ERP44: variants seen among roughly 807,000 people sequenced by gnomAD.
The protein encoded by ERP44 is endoplasmic reticulum resident protein 44.
A neutral mutation model predicts 53.4 loss-of-function variants in ERP44; 25 were observed. The ratio of observed to expected loss-of-function variants is 0.47; its 90% confidence interval spans 0.34 to 0.65. The LOEUF is 0.65. Among genes scored for constraint, ERP44 ranks in the 30% least tolerant of loss-of-function variants. The probability of loss-of-function intolerance (pLI) is 0.01; values close to 1 mark genes in which losing one functional copy is unlikely to be tolerated. For synonymous variants in ERP44, 145 were observed against 161.2 expected (o/e 0.90, Z 0.76); for missense variants, 338 against 493.2 (o/e 0.69, Z 2.98).
chr9:100,033,648 A>G (rs1825818420), intron 4 of ERP44, among the ~76,000 whole-genome samples: 1 of 152,218 alleles, frequency 6.6e-6, no homozygotes, highest in South Asian at 2.1e-4. Context: ...AAAAATGAGG[A>G]CTGGAGAGAG....
intron 1 of ERP44, among the ~76,000 whole-genome samples, chr9:100,067,007 T>C (rs1297961192): frequency 4.6e-5 from 7 of 152,342 alleles, no homozygotes; most frequent in African/African-American, 1.7e-4. Context: ...AATTGTTCAG[T>C]AGTACAACCT....
At chr9:99,997,132 T>C (rs1307671921) in intron 10 of ERP44, among the ~76,000 whole-genome samples, 1 of 152,146 alleles carries the variant, frequency 6.6e-6, no homozygotes, top group South Asian at 2.1e-4. Context: ...CTTTTTCATA[T>C]AATGACTTCC....
intron 4 of ERP44, among the ~76,000 whole-genome samples, chr9:100,046,515 A>C (rs1825971881): frequency 6.6e-6 from 1 of 152,196 alleles, no homozygotes; most frequent in African/African-American, 2.4e-5. Flanking sequence ...AGTATCATTT[A>C]CAATAGCATC....
intron 6 of ERP44, among the ~76,000 whole-genome samples, chr9:100,020,248 T>C (rs544783458): frequency 3.3e-5 from 5 of 152,304 alleles, no homozygotes; most frequent in African/African-American, 4.8e-5. Flanking sequence ...ATGAAGACGA[T>C]AAAACTCATG....
intron 10 of ERP44, among the ~76,000 whole-genome samples, chr9:100,006,038 A>G (rs1326631061): frequency 6.6e-6 from 1 of 152,222 alleles, no homozygotes; most frequent in African/African-American, 2.4e-5. Flanking sequence ...GCTATATGCC[A>G]TTAGAAACGC....
chr9:100,081,939 CACAA>C (rs1207673823), intron 1 of ERP44, among the ~76,000 whole-genome samples: 6 of 151,828 alleles, frequency 4.0e-5, no homozygotes, highest in South Asian at 2.1e-4. Flanking sequence ...AAAATAACAC[CACAA>C]ACAGTTAGAG....
rs571592793 is a variant in ERP44, at chr9:100,039,010, C to T, written c.286+13407G>A. The stretch of plus-strand genomic sequence containing the variant: ...GCATGTAATACAATGTAAATATATA[C>T]GCACCCAACACTGGAACATCCAGAT... On this transcript the variant is annotated intron_variant, in intron 4 of 11. Coordinates refer to ENST00000262455, the MANE Select transcript of ERP44 (RefSeq NM_015051.3). Among the ~76,000 whole-genome samples, 12 of 152,134 alleles carry T rather than the reference C, an allele frequency of 7.9e-5. No individual in the cohort carries two copies. The South Asian group carries it at 8.3e-4, about 11-fold the overall frequency.
rs926600743 is a variant in ERP44 at position 100,022,224 on chromosome 9, C to T, written c.289G>A (p.Asp97Asn). Residue 97 changes from aspartate to asparagine, a missense_variant and splice_region_variant, in exon 5 of 12, where the codon GAC (aspartate) becomes AAC (asparagine). By Grantham distance (23) the Asp-to-Asn change is conservative. Around this residue, in one of 3 missense-constraint regions of ERP44, gnomAD observed 224 missense variants for 301.4 expected, o/e 0.74. Coordinates refer to ENST00000262455, the MANE Select transcript of ERP44 (RefSeq NM_015051.3). Reference sequence around the variant, plus strand: ...CTTATCCTGTATCTCTGGGCTATGTCAGCTAAAAGAATGAAAAAAAATTAT... The same window carrying T: ...CTTATCCTGTATCTCTGGGCTATGTTAGCTAAAAGAATGAAAAAAAATTAT... ...FARVDCDQHSDIAQRYRISKY... is the reference protein window; with the variant it reads ...FARVDCDQHSNIAQRYRISKY... 16 of 1,603,246 alleles carry T rather than the reference C, an allele frequency of 1.0e-5. No homozygotes were observed. The Admixed American group carries it at 1.2e-4, about 12-fold the overall frequency.
chr9:100,085,814 G>A (rs1185652114), intron 1 of ERP44, among the ~76,000 whole-genome samples: 1 of 152,228 alleles, frequency 6.6e-6, no homozygotes, highest in Admixed American at 6.5e-5. Flanking sequence ...TAGGAGAACT[G>A]CTTGAACCTG....
intron 10 of ERP44, among the ~76,000 whole-genome samples, chr9:99,990,692 A>C (rs1830243785): frequency 6.6e-6 from 1 of 152,258 alleles, no homozygotes; most frequent in African/African-American, 2.4e-5. Flanking sequence ...AATGGGCTAA[A>C]TGCCCCAATT....
chr9:99,985,162 A>G (rs1830183097), intron 10 of ERP44, 93 bp from the exon 11 acceptor site: 1 of 759,712 alleles, frequency 1.3e-6, no homozygotes, highest in Non-Finnish European at 2.2e-6. Context: ...TTGCTAACCT[A>G]TAGTCCCACC....
chr9:100,076,719 G>T (rs1246427519), intron 1 of ERP44, among the ~76,000 whole-genome samples: 3 of 152,180 alleles, frequency 2.0e-5, no homozygotes, highest in Admixed American at 1.3e-4. Flanking sequence ...GAACTTCTTT[G>T]AGTGGTCAAA....
At chr9:100,077,947 T>TCCACCAGGAAAAAAAACACAA (rs749086460) in intron 1 of ERP44, among the ~76,000 whole-genome samples, 1 of 151,770 alleles carries the variant, frequency 6.6e-6, no homozygotes, top group Non-Finnish European at 1.5e-5. Context: ...TTTGGGTCAC[T>TCCACCAGGAAAAAAAACACAA]CCACCAGGAA....
intron 1 of ERP44, among the ~76,000 whole-genome samples, chr9:100,085,377 A>G (rs909832246): frequency 5.9e-5 from 9 of 152,230 alleles, no homozygotes; most frequent in Non-Finnish European, 1.2e-4. Context: ...CCTTCATTAC[A>G]GTATCTAAAC....
At chr9:100,072,626 G>A (rs1316799568) in intron 1 of ERP44, among the ~76,000 whole-genome samples, 6 of 152,102 alleles carry the variant, frequency 3.9e-5, no homozygotes, top group South Asian at 2.1e-4. Context: ...TGGTTCAAGC[G>A]ATTCTCCTGC....
chr9:100,007,633 T>C lies in ERP44; in HGVS notation c.819A>G (p.Thr273=), dbSNP rs1161292570. The change falls in exon 9 of 12, where the codon ACA becomes ACG. Residue 273 remains threonine (T), a synonymous_variant. Transcript: ENST00000262455. Reference sequence around the variant, plus strand: ...CATTCTGGAATATTTCTAAACTTTCTGTATCTTCTTTCATGTGAAAGAGTA... The same window carrying C: ...CATTCTGGAATATTTCTAAACTTTCCGTATCTTCTTTCATGTGAAAGAGTA... The part of the protein sequence containing the change: ...FLILFHMKED[T]ESLEIFQNEV... 6.2e-7 allele frequency: 1 copy of C among 1,605,808 alleles called. No individual in the cohort carries two copies. Among genetic ancestry groups the C allele is most frequent in the South Asian group, 1.1e-5 (1 of 90,890 alleles).
chr9:99,999,686 G>A (rs1037881470), intron 10 of ERP44, among the ~76,000 whole-genome samples: 2 of 151,798 alleles, frequency 1.3e-5, no homozygotes, highest in Admixed American at 6.6e-5. Flanking sequence ...TTAGTTTGAC[G>A]TAATCCAATT....
rs1376788258 is a variant in ERP44, at chr9:99,982,039, C to T, written c.*573G>A. 1 of 152,566 alleles carries T rather than the reference C, an allele frequency of 6.6e-6. No homozygotes were observed. The highest frequency in any genetic ancestry group is 6.5e-5 in the Admixed American group (1 of 15,282). The allele number at this position is 152,566 out of a possible 1,614,324, so 9.5% of individuals were successfully genotyped here. The stretch of plus-strand genomic sequence containing the variant: ...AATGTTCTGTCTTATGACTCTCCTC[C>T]ACTTCAAAGTATGTTTAAGTTACAC... On this transcript the variant is annotated 3_prime_UTR_variant, in exon 12 of 12. Transcript: ENST00000262455.
chr9:99,983,179 C>T (rs1419576798), intron 11 of ERP44, among the ~76,000 whole-genome samples: 1 of 152,196 alleles, frequency 6.6e-6, no homozygotes, highest in Non-Finnish European at 1.5e-5. Flanking sequence ...GGAAAGCAAA[C>T]ACTTCAATGC....
Sources: gnomAD v4.1 joint callset for allele counts (sites outside exome capture counted in the v4.1 genomes callset) on GRCh38, gnomAD v4.1.1 for gene constraint, gnomAD v4.1.1 regional missense constraint, MANE v1.5 for transcripts, NCBI Gene and HGNC (gene_info 2026-07-23, HGNC 2026-07-21) for gene names.